Variants in SV2C observed in about 807,000 individuals in gnomAD.
SV2C encodes the protein synaptic vesicle glycoprotein 2C.
SV2C carries 49 observed loss-of-function variants against 79.7 expected under a neutral mutation model. The ratio of observed to expected loss-of-function variants is 0.61; its 90% confidence interval spans 0.49 to 0.78. SV2C has a LOEUF of 0.78. Among genes scored for constraint, SV2C ranks in the 30% least tolerant of loss-of-function variants. SV2C has a pLI of 0.00. For synonymous variants in SV2C, 334 were observed against 333.2 expected, an observed-to-expected ratio of 1.00 and a Z score of -0.03; for missense variants, 833 against 912.9, an observed-to-expected ratio of 0.91 and a Z score of 1.13.
chr5:76,289,631 A>G (rs1416791338), intron 6 of SV2C, among the ~76,000 whole-genome samples: 1 of 152,148 alleles, frequency 6.6e-6, no homozygotes, highest in African/African-American at 2.4e-5. Context: ...ACTGCTGCTG[A>G]TTTGGTGCAG....
chr5:75,998,603 A>C, the SV2C span, among the ~76,000 whole-genome samples: 1 of 151,910 alleles, frequency 6.6e-6, no homozygotes, highest in Non-Finnish European at 1.5e-5. Flanking sequence ...TCAGAACATG[A>C]TAGTGTGTGT....
intron 2 of SV2C, among the ~76,000 whole-genome samples, chr5:76,167,708 A>G (rs996208831): frequency 2.3e-4 from 35 of 152,324 alleles, no homozygotes; most frequent in Non-Finnish European, 4.4e-4. Flanking sequence ...TATGGCCAAT[A>G]AGTGTCAGAG....
At chr5:75,919,049 A>G in the SV2C span, among the ~76,000 whole-genome samples, 1,670 of 152,286 alleles carry the variant, frequency 0.011, 21 homozygotes, top group Non-Finnish European at 0.015. Flanking sequence ...CTCATATCCA[A>G]ATGGGATTCC....
chr5:76,114,323 G>A (rs1240303488), intron 1 of SV2C, among the ~76,000 whole-genome samples: 1 of 152,062 alleles, frequency 6.6e-6, no homozygotes, highest in Non-Finnish European at 1.5e-5. Flanking sequence ...AAACAAAGGC[G>A]GCTGCTTTTT....
At chr5:76,064,310 C>T in the SV2C span, among the ~76,000 whole-genome samples, 4 of 152,140 alleles carry the variant, frequency 2.6e-5, no homozygotes, top group South Asian at 2.1e-4. Flanking sequence ...AGGCCCTGGA[C>T]GTGAGAGGAG....
At chr5:75,953,758 C>T in the SV2C span, among the ~76,000 whole-genome samples, 1 of 151,974 alleles carries the variant, frequency 6.6e-6, no homozygotes, top group Non-Finnish European at 1.5e-5. Flanking sequence ...TCAGATTTCT[C>T]TGCCCCTTTT....
intron 12 of SV2C, among the ~76,000 whole-genome samples, chr5:76,345,731 TTC>T (rs1289892758): frequency 6.6e-6 from 1 of 152,182 alleles, no homozygotes; most frequent in Admixed American, 6.5e-5. Flanking sequence ...TACAAAACAT[TTC>T]TCATTTCATC....
chr5:76,222,932 A>G lies in SV2C; in HGVS notation c.913+13045A>G, dbSNP rs567006473. Among the ~76,000 whole-genome samples, 11 of 152,312 alleles carry G rather than the reference A, an allele frequency of 7.2e-5. No individual in the cohort carries two copies. In the South Asian group the frequency reaches 2.3e-3, roughly 32 times the overall value. ...GGAAGATTAGACATTAGAAGCAATCATTTGATCCTTGTTTCTTCAAAATGT... is the reference window on the plus strand; with the variant it reads ...GGAAGATTAGACATTAGAAGCAATCGTTTGATCCTTGTTTCTTCAAAATGT... On this transcript the variant is annotated intron_variant, in intron 4 of 12. Coordinates refer to ENST00000502798, the MANE Select transcript of SV2C (RefSeq NM_014979.4).
intron 4 of SV2C, among the ~76,000 whole-genome samples, chr5:76,258,804 C>G (rs1746377586): frequency 6.6e-6 from 1 of 152,178 alleles, no homozygotes; most frequent in Non-Finnish European, 1.5e-5. Context: ...TTCCCATCAC[C>G]CGTATTTCAG....
At chr5:76,196,323 G>A (rs961480345) in intron 3 of SV2C, among the ~76,000 whole-genome samples, 2 of 152,126 alleles carry the variant, frequency 1.3e-5, no homozygotes, top group African/African-American at 4.8e-5. Context: ...GGAGAGTTTG[G>A]GAAAGTGTAA....
At chr5:76,120,580 A>C (rs1358782620) in intron 1 of SV2C, among the ~76,000 whole-genome samples, 3 of 128,384 alleles carry the variant, frequency 2.3e-5, no homozygotes, top group Non-Finnish European at 3.1e-5. Context: ...ATGTGTTCTC[A>C]TTGTTCAATT....
chr5:76,193,594 G>A (rs888571051), intron 2 of SV2C, among the ~76,000 whole-genome samples: 6 of 152,178 alleles, frequency 3.9e-5, no homozygotes, highest in Non-Finnish European at 7.3e-5. Flanking sequence ...CATGTTTATA[G>A]CTCTAAGGTT....
At chr5:76,319,623 G>T (rs1427255311) in intron 12 of SV2C, among the ~76,000 whole-genome samples, 1 of 152,068 alleles carries the variant, frequency 6.6e-6, no homozygotes, top group African/African-American at 2.4e-5. Context: ...TCTTAAGAAG[G>T]ATTTGATCGT....
At chr5:76,302,630 C>CAAA (rs60732488) in intron 12 of SV2C, among the ~76,000 whole-genome samples, 36 of 68,828 alleles carry the variant, frequency 5.2e-4, no homozygotes, top group East Asian at 1.5e-3. Context: ...GACTCCATCT[C>CAAA]AAAAAAAAAA....
the SV2C span, among the ~76,000 whole-genome samples, chr5:75,954,945 A>G: frequency 2.2e-3 from 323 of 148,798 alleles, 2 homozygotes; most frequent in Non-Finnish European, 3.8e-3. Flanking sequence ...GGAAGAATCA[A>G]TATCGTGAAA....
chr5:75,850,885 A>G, the SV2C span, among the ~76,000 whole-genome samples: 3 of 152,136 alleles, frequency 2.0e-5, no homozygotes, highest in Non-Finnish European at 4.4e-5. Context: ...GGATTTTTCT[A>G]TCAGCCGAGG....
downstream of SV2C, among the ~76,000 whole-genome samples, chr5:76,337,475 ACAATTCAGCC>A (rs1749351349): frequency 6.6e-6 from 1 of 152,222 alleles, no homozygotes; most frequent in Admixed American, 6.5e-5. Flanking sequence ...TGGGAAGAAG[ACAATTCAGCC>A]CAATTCAGCA....
the SV2C span, among the ~76,000 whole-genome samples, chr5:75,906,622 G>T: frequency 6.6e-6 from 1 of 152,160 alleles, no homozygotes; most frequent in Non-Finnish European, 1.5e-5. Context: ...AAATTTAACA[G>T]ATATTATTAG....
At chr5:76,214,035 G>A (rs1319348037) in intron 4 of SV2C, among the ~76,000 whole-genome samples, 1 of 152,100 alleles carries the variant, frequency 6.6e-6, no homozygotes, top group African/African-American at 2.4e-5. Flanking sequence ...TTGTTACAAA[G>A]GGAAGGATTT....
Sources: allele counts gnomAD v4.1 joint callset (sites outside exome capture counted in the v4.1 genomes callset), GRCh38; gene constraint gnomAD v4.1.1; transcripts MANE v1.5; gene names NCBI Gene and HGNC (gene_info 2026-07-23, HGNC 2026-07-21).